Variants in ARID5B observed in about 807,000 individuals in gnomAD.
ARID5B encodes AT-rich interactive domain-containing protein 5B.
A neutral mutation model predicts 97.2 loss-of-function variants in ARID5B; 13 were observed. That is an observed-to-expected ratio of 0.13 (90% CI 0.09 to 0.21). The LOEUF (loss-of-function observed/expected upper bound fraction) is 0.21, where lower values mean the gene tolerates loss of function less well. ARID5B is among the 10% of genes least tolerant of loss of function. ARID5B has a pLI of 1.00. For synonymous variants in ARID5B, 556 were observed against 570.3 expected, an observed-to-expected ratio of 0.97 and a Z score of 0.36; for missense variants, 1,210 against 1,465.3, an observed-to-expected ratio of 0.83 and a Z score of 2.84.
chr10:62,036,371 G>A (rs1223847053), intron 4 of ARID5B, among the ~76,000 whole-genome samples: 2 of 139,806 alleles, frequency 1.4e-5, no homozygotes, highest in Non-Finnish European at 3.1e-5. Context: ...ACCCCCAGGA[G>A]GGCTCCTTTG....
intron 2 of ARID5B, among the ~76,000 whole-genome samples, chr10:61,903,086 C>T (rs755644572): frequency 2.0e-5 from 3 of 152,204 alleles, no homozygotes; most frequent in Non-Finnish European, 4.4e-5. Flanking sequence ...CTCCCCCTCC[C>T]CCCGGACAAG....
At chr10:61,981,123 G>A in intron 3 of ARID5B, among the ~76,000 whole-genome samples, 1 of 152,172 alleles carries the variant, frequency 6.6e-6, no homozygotes, top group East Asian at 1.9e-4. Flanking sequence ...TCTATAAAAT[G>A]GAAGCAGTAA....
rs1157488831 is a variant in ARID5B, at chr10:61,915,581, C to T, written c.276+13168C>T. Among the ~76,000 whole-genome samples, 6 of 152,114 alleles carry T rather than the reference C, an allele frequency of 3.9e-5. No individual in the cohort carries two copies. The East Asian group carries it at 9.6e-4, about 24-fold the overall frequency. ...AATTCGTAGCCAGGTTAGAGATGTCCGTTTGCCCACTGGAGGGACCAGTTG... is the reference window on the plus strand; with the variant it reads ...AATTCGTAGCCAGGTTAGAGATGTCTGTTTGCCCACTGGAGGGACCAGTTG... On this transcript the variant is annotated intron_variant, in intron 2 of 9. Transcript: ENST00000279873.
chr10:61,958,093 C>A (rs990469815), intron 3 of ARID5B, among the ~76,000 whole-genome samples: 14 of 152,262 alleles, frequency 9.2e-5, no homozygotes, highest in African/African-American at 2.4e-4. Context: ...GGTAGCAGGG[C>A]AAACAGCTAC....
chr10:61,927,562 G>A (rs544513650), intron 2 of ARID5B, among the ~76,000 whole-genome samples: 7 of 152,182 alleles, frequency 4.6e-5, no homozygotes, highest in Admixed American at 2.0e-4. Flanking sequence ...AAGAGAAGTG[G>A]AAGTTAGGCA....
intron 4 of ARID5B, among the ~76,000 whole-genome samples, chr10:62,032,771 CA>C (rs1416037452): frequency 6.6e-6 from 1 of 152,094 alleles, no homozygotes; most frequent in African/African-American, 2.4e-5. Context: ...ATGTTAGAAA[CA>C]AAACCAGGAC....
intron 9 of ARID5B, among the ~76,000 whole-genome samples, chr10:62,086,683 T>G: frequency 1.2e-5 from 1 of 82,844 alleles, no homozygotes; most frequent in African/African-American, 5.3e-5. Flanking sequence ...AGAGCAAGAC[T>G]CCATCTCAAA....
chr10:61,963,941 A>C (rs1838509200), intron 3 of ARID5B, among the ~76,000 whole-genome samples: 1 of 152,050 alleles, frequency 6.6e-6, no homozygotes, highest in South Asian at 2.1e-4. Context: ...CTGGTGTGAA[A>C]AACATTGCCA....
chr10:62,071,669 G>A (rs1055236979), intron 8 of ARID5B, among the ~76,000 whole-genome samples: 1 of 151,964 alleles, frequency 6.6e-6, no homozygotes, highest in Non-Finnish European at 1.5e-5. Flanking sequence ...TCTGAAGATT[G>A]TGTACTTTTG....
At chr10:62,021,064 A>ATATATATATC (rs1392887837) in intron 4 of ARID5B, among the ~76,000 whole-genome samples, 2 of 133,036 alleles carry the variant, frequency 1.5e-5, no homozygotes, top group African/African-American at 5.4e-5. Context: ...ATATATATAT[A>ATATATATATC]TATATCTCAG....
chr10:62,080,588 G>A (rs939638342), intron 8 of ARID5B, among the ~76,000 whole-genome samples: 12 of 152,200 alleles, frequency 7.9e-5, no homozygotes, highest in Middle Eastern at 3.4e-3. Context: ...CCTTCTATTG[G>A]CTCCATATTT....
chr10:61,996,828 G>C (rs1469007931), intron 3 of ARID5B, among the ~76,000 whole-genome samples: 1 of 150,872 alleles, frequency 6.6e-6, no homozygotes, highest in East Asian at 1.9e-4. Flanking sequence ...TTGCTTCTTT[G>C]TTCTATGTAC....
intron 4 of ARID5B, among the ~76,000 whole-genome samples, chr10:62,032,090 G>C (rs551188211): frequency 1.3e-5 from 2 of 152,274 alleles, no homozygotes; most frequent in East Asian, 3.9e-4. Context: ...TAATCTGGAG[G>C]CTGAGGTGGT....
intron 2 of ARID5B, among the ~76,000 whole-genome samples, chr10:61,924,604 A>G (rs1299576111): frequency 6.6e-6 from 1 of 152,236 alleles, no homozygotes; most frequent in African/African-American, 2.4e-5. Flanking sequence ...AAATTTAACA[A>G]GAATGGAGTG....
At chr10:62,009,943 G>A (rs992264043) in intron 4 of ARID5B, among the ~76,000 whole-genome samples, 2 of 152,228 alleles carry the variant, frequency 1.3e-5, no homozygotes, top group Admixed American at 1.3e-4. Flanking sequence ...GGACTTTGAA[G>A]CTCAAAGAGA....
At chr10:61,933,914 T>C (rs555167843) in intron 2 of ARID5B, among the ~76,000 whole-genome samples, 1 of 152,360 alleles carries the variant, frequency 6.6e-6, no homozygotes, top group African/African-American at 2.4e-5. Flanking sequence ...GAAGCTGGCA[T>C]TGACATCTCA....
chr10:61,947,261 CTTTTTTTTTTT>C (rs199587188), intron 3 of ARID5B, among the ~76,000 whole-genome samples: 6 of 124,268 alleles, frequency 4.8e-5, no homozygotes, highest in Non-Finnish European at 5.0e-5. Flanking sequence ...CACTTACTTT[CTTTTTTTTTTT>C]TTTTTTTTTT....
intron 3 of ARID5B, among the ~76,000 whole-genome samples, chr10:61,967,544 T>G (rs1838563190): frequency 6.6e-6 from 1 of 152,206 alleles, no homozygotes. Context: ...TCATGCACCC[T>G]ACAGCAAAAA....
chr10:61,991,361 T>C (rs1320268376), intron 3 of ARID5B, among the ~76,000 whole-genome samples: 1 of 152,174 alleles, frequency 6.6e-6, no homozygotes, highest in Admixed American at 6.5e-5. Context: ...CACTTGGGAT[T>C]TTTTTCTTTT....
Sources: gnomAD v4.1 joint callset for allele counts (sites outside exome capture counted in the v4.1 genomes callset) on GRCh38, gnomAD v4.1.1 for gene constraint, MANE v1.5 for transcripts, NCBI Gene and HGNC (gene_info 2026-07-23, HGNC 2026-07-21) for gene names.